Variants in USH2A observed in about 807,000 individuals in gnomAD.
USH2A encodes the protein usherin, also known as Usher syndrome 2A (autosomal recessive, mild).
Under a neutral mutation model 538.9 loss-of-function variants are expected in USH2A, and 443 were observed. The observed-to-expected ratio is 0.82, with a 90% CI of 0.76 to 0.89. The LOEUF is 0.89. Among genes scored for constraint, USH2A ranks in the 40% least tolerant of loss-of-function variants. The pLI is 0.00. For synonymous variants in USH2A, 2,413 were observed against 2,273.5 expected, an observed-to-expected ratio of 1.06 and a Z score of -1.75; for missense variants, 6,633 against 6,324.8, an observed-to-expected ratio of 1.05 and a Z score of -1.65.
chr1:215,770,819 G>A (rs1242953256), intron 55 of USH2A, among the ~76,000 whole-genome samples: 2 of 151,842 alleles, frequency 1.3e-5, no homozygotes, highest in African/African-American at 2.4e-5. Context: ...AGAAAGGGCC[G>A]GGACCGGTGG....
At chr1:216,126,312 C>T (rs1014986699) in intron 21 of USH2A, among the ~76,000 whole-genome samples, 1 of 152,142 alleles carries the variant, frequency 6.6e-6, no homozygotes, top group Admixed American at 6.5e-5. Flanking sequence ...CTACCTCCAC[C>T]TCCCAAGTTC....
chr1:215,985,074 A>G (rs1425257609), intron 35 of USH2A, among the ~76,000 whole-genome samples: 1 of 152,198 alleles, frequency 6.6e-6, no homozygotes, highest in African/African-American at 2.4e-5. Context: ...TTTGCTCAAA[A>G]CTGTCAAGCA....
chr1:216,196,492 A>G (rs2034846450), intron 19 of USH2A, 61 bp downstream of exon 19: 1 of 1,598,064 alleles, frequency 6.3e-7, no homozygotes, highest in South Asian at 1.1e-5. Context: ...GCAAACTCAA[A>G]AAATGTCCAA....
At chr1:215,665,601 T>G (rs1006718861) in intron 64 of USH2A, among the ~76,000 whole-genome samples, 3 of 152,130 alleles carry the variant, frequency 2.0e-5, no homozygotes, top group African/African-American at 7.2e-5. Context: ...AACCAAAATG[T>G]CTTAACAGAG....
Position 216,307,483 on chromosome 1 carries a change from TC to T in USH2A, c.1644+14399del, listed in dbSNP as rs549942778. On this transcript the variant is annotated intron_variant, in intron 9 of 71. Transcript: ENST00000307340. Reference sequence around the variant, plus strand: ...AACAGGGCTGAGGACTTGCCCCTGCTCCAGGTCTCCCCACTGGAAAAGCAAG... The same window carrying T: ...AACAGGGCTGAGGACTTGCCCCTGCTCAGGTCTCCCCACTGGAAAAGCAAG... 4.6e-4 allele frequency among the ~76,000 whole-genome samples: 70 copies of T among 152,242 alleles called. 1 individual carries two copies. The East Asian group carries it at 0.013, about 28-fold the overall frequency.
intron 3 of USH2A, among the ~76,000 whole-genome samples, chr1:216,377,904 AG>A (rs1370000821): frequency 2.8e-5 from 4 of 145,306 alleles, no homozygotes; most frequent in Non-Finnish European, 5.9e-5. Flanking sequence ...AGAAAGAAAG[AG>A]AAAGAAAGAG....
At chr1:216,021,450 A>G (rs1377244412) in intron 32 of USH2A, among the ~76,000 whole-genome samples, 1 of 152,158 alleles carries the variant, frequency 6.6e-6, no homozygotes. Flanking sequence ...CATGATTATG[A>G]GGCCTCCACA....
Position 215,630,525 on chromosome 1 carries a change from T to G in USH2A, c.15298-1490A>C, listed in dbSNP as rs57276586. 4.6e-3 allele frequency among the ~76,000 whole-genome samples: 585 copies of G among 126,116 alleles called. 2 individuals carry two copies. The highest frequency in any genetic ancestry group is 0.018 in the African/African-American group (535 of 29,170). 82.7% of individuals were successfully genotyped at this position (126,116 alleles called of 152,430 possible). ...ATATATATATATATATATATATATA[T>G]ATGAGAGAGAGAAAGTTGGGTTTTG... On this transcript the variant is annotated intron_variant, in intron 70 of 71. Transcript: ENST00000307340.
At chr1:216,189,472 A>T (rs1358344097) in intron 20 of USH2A, among the ~76,000 whole-genome samples, 1 of 151,980 alleles carries the variant, frequency 6.6e-6, no homozygotes, top group Non-Finnish European at 1.5e-5. Flanking sequence ...AAAAACACTG[A>T]TTTGAAAATA....
chr1:215,662,925 T>C (rs996300008), intron 64 of USH2A, among the ~76,000 whole-genome samples: 1 of 152,044 alleles, frequency 6.6e-6, no homozygotes, highest in African/African-American at 2.4e-5. Flanking sequence ...AGAAAAGAGA[T>C]GGGGTAAGGG....
intron 55 of USH2A, among the ~76,000 whole-genome samples, chr1:215,771,537 G>A (rs1268236123): frequency 8.6e-5 from 10 of 116,834 alleles, no homozygotes; most frequent in African/African-American, 2.9e-4. Context: ...CCGAGATCCC[G>A]CCACTGCACT....
At chr1:215,891,574 T>G (rs1397192338) in intron 40 of USH2A, among the ~76,000 whole-genome samples, 2 of 152,148 alleles carry the variant, frequency 1.3e-5, no homozygotes, top group African/African-American at 4.8e-5. Context: ...GCTCTGAACA[T>G]GAGAAAAGTT....
At chr1:216,002,645 G>A (rs1221979617) in intron 32 of USH2A, among the ~76,000 whole-genome samples, 2 of 152,048 alleles carry the variant, frequency 1.3e-5, no homozygotes, top group Non-Finnish European at 2.9e-5. Context: ...TTGGTCAGCC[G>A]CAACCGAGAT....
intron 43 of USH2A, among the ~76,000 whole-genome samples, chr1:215,873,263 A>G (rs1664670011): frequency 6.6e-6 from 1 of 152,122 alleles, no homozygotes; most frequent in Non-Finnish European, 1.5e-5. Flanking sequence ...TCATTCTTAG[A>G]CTCAATTTTT....
chr1:216,029,652 TA>T (rs1229828845), intron 32 of USH2A, among the ~76,000 whole-genome samples: 1 of 151,904 alleles, frequency 6.6e-6, no homozygotes, highest in East Asian at 1.9e-4. Flanking sequence ...AACCAGGATA[TA>T]TAGGGTCATT....
chr1:215,880,146 A>C (rs1035404062), intron 41 of USH2A, among the ~76,000 whole-genome samples: 4 of 152,210 alleles, frequency 2.6e-5, no homozygotes, highest in African/African-American at 9.6e-5. Flanking sequence ...GGTTTCTACA[A>C]GGTGACATAT....
At chr1:215,861,026 C>A (rs925265717) in intron 44 of USH2A, among the ~76,000 whole-genome samples, 6 of 152,306 alleles carry the variant, frequency 3.9e-5, no homozygotes, top group African/African-American at 1.4e-4. Flanking sequence ...TGAGAAAATT[C>A]TTTACTCTGC....
chr1:215,938,787 A>T (rs1052741856), intron 37 of USH2A, among the ~76,000 whole-genome samples: 2 of 152,100 alleles, frequency 1.3e-5, no homozygotes, highest in Admixed American at 6.6e-5. Context: ...ATTGGGCTTT[A>T]ACTGGGGGTC....
intron 55 of USH2A, among the ~76,000 whole-genome samples, chr1:215,775,179 G>A (rs1661426594): frequency 6.6e-6 from 1 of 152,096 alleles, no homozygotes; most frequent in Non-Finnish European, 1.5e-5. Flanking sequence ...CAGACTGCTG[G>A]AGATCAGGGT....
Sources: gnomAD v4.1 joint callset for allele counts (sites outside exome capture counted in the v4.1 genomes callset) on GRCh38, gnomAD v4.1.1 for gene constraint, MANE v1.5 for transcripts, NCBI Gene and HGNC (gene_info 2026-07-23, HGNC 2026-07-21) for gene names.